GLS2: variants seen among roughly 807,000 people sequenced by gnomAD.
GLS2 encodes glutaminase liver isoform, mitochondrial.
A neutral mutation model predicts 79.0 loss-of-function variants in GLS2; 52 were observed. The ratio of observed to expected loss-of-function variants is 0.66; its 90% CI spans 0.53 to 0.83. The LOEUF is 0.83. GLS2 is among the 40% of genes least tolerant of loss of function. GLS2 has a pLI of 0.00. For missense variants in GLS2, 561 were observed against 764.8 expected, an observed-to-expected ratio of 0.73 and a Z score of 3.14; for synonymous variants, 238 against 280.8, an observed-to-expected ratio of 0.85 and a Z score of 1.52.
chr12:56,472,032 T>C (rs778629598), intron 16 of GLS2, 87 bp downstream of exon 16: 414 of 1,461,048 alleles, frequency 2.8e-4, no homozygotes, highest in Middle Eastern at 9.6e-4. Context: ...CCTATAACCT[T>C]GAGGGCACAT....
In GLS2 at chr12:56,480,479, G is replaced by GTCC. The variant is rs759850276; in HGVS notation, c.183-95_183-93dup. On this transcript the variant is annotated intron_variant, in intron 1 of 17. Transcript: ENST00000311966. ...AACATGGGCTTATAAGTAGGTGAGT[G>GTCC]TCCTCATTCTATGCCTCCTCCTTAA... 129 of 919,858 alleles carry GTCC rather than the reference G, an allele frequency of 1.4e-4. No individual in the cohort carries two copies. The Middle Eastern group carries it at 1.4e-3, about 10-fold the overall frequency. The allele number at this position is 919,858 out of a possible 1,614,324, so 57.0% of individuals were successfully genotyped here.
rs1247078875 is a variant in GLS2 at position 56,474,304 on chromosome 12, G to T, written c.1224+240C>A. ...GGGTTTCACCATGTAGGTCAGGCTG[G>T]TCTCGAACTCCTGACCTCAGGTGAT... On this transcript the variant is annotated intron_variant, in intron 12 of 17. Coordinates refer to ENST00000311966, the MANE Select transcript of GLS2 (RefSeq NM_013267.4). The T allele has an allele frequency of 4.0e-5, 20 of 505,910 alleles. No individual in the cohort carries two copies. In the Admixed American group the frequency reaches 6.6e-4, roughly 17 times the overall value. 31.3% of individuals were successfully genotyped at this position (505,910 alleles called of 1,614,324 possible).
intron 2 of GLS2, 129 bp from the exon 3 acceptor site, chr12:56,480,030 A>G: frequency 8.0e-7 from 1 of 1,247,210 alleles, no homozygotes; most frequent in Non-Finnish European, 1.1e-6. Flanking sequence ...ATGGGTTTGG[A>G]GAATAAGAAA....
chr12:56,475,070 T>G lies in GLS2; in HGVS notation c.970A>C (p.Ile324Leu), dbSNP rs958316683. ...EKETGDRNYAIGYYLKEKKCF... is the reference protein window; with the variant it reads ...EKETGDRNYALGYYLKEKKCF... The stretch of plus-strand genomic sequence containing the variant: ...TTCTTTTCCTTGAGATAATAGCCGA[T>G]GGCATAATTCCGATCCCCTGTTTCC... The change falls in exon 10 of 18, where the codon ATC (isoleucine) becomes CTC (leucine). Residue 324 changes from isoleucine (I) to leucine (L), a missense_variant. Around this residue, in one of 4 missense-constraint regions of GLS2, gnomAD observed 221 missense variants for 275.6 expected, o/e 0.80. Transcript: ENST00000311966. The G allele has an allele frequency of 6.2e-7, 1 of 1,614,070 alleles. No individual in the cohort carries two copies. Among genetic ancestry groups the G allele is most frequent in the Admixed American group, 1.7e-5 (1 of 59,998 alleles).
rs1183955067 is a variant in GLS2 at position 56,487,982 on chromosome 12, T to C, written c.137A>G (p.Gln46Arg). ...GTGGCTGTGTGGCGTCTCTCTGCCC[T>C]GCGCCGCGGCCTCACTGAGGTGGTG... The part of the protein sequence containing the change: ...VRHHLSEAAA[Q>R]GRETPHSHQP... The change falls in exon 1 of 18, where the codon CAG (glutamine) becomes CGG (arginine). Residue 46 changes from glutamine (Q) to arginine (R), a missense_variant. Coordinates refer to ENST00000311966, the MANE Select transcript of GLS2 (RefSeq NM_013267.4). The C allele has an allele frequency of 6.2e-7, 1 of 1,602,028 alleles. No homozygotes were observed. The highest frequency in any genetic ancestry group is 8.5e-7 in the Non-Finnish European group (1 of 1,179,554).
chr12:56,487,254 A>G (rs1870760980), intron 1 of GLS2, among the ~76,000 whole-genome samples: 1 of 152,174 alleles, frequency 6.6e-6, no homozygotes, highest in Admixed American at 6.5e-5. Context: ...TGGAAGAAAC[A>G]CCCAAAGGAA....
At chr12:56,478,316 G>A in intron 4 of GLS2, 54 bp from the exon 5 acceptor site, 3 of 1,552,624 alleles carry the variant, frequency 1.9e-6, no homozygotes, top group Non-Finnish European at 1.8e-6. Context: ...GAGGAACAGA[G>A]TTGAGGTTGA....
chr12:56,473,955 G>A (rs1869546423), intron 12 of GLS2: 1 of 197,784 alleles, frequency 5.1e-6, no homozygotes, highest in African/African-American at 2.4e-5. Context: ...AATAGAGGTA[G>A]AGGGGGGCCA....
intron 16 of GLS2, 82 bp downstream of exon 16, chr12:56,472,037 G>T: frequency 1.4e-6 from 2 of 1,469,764 alleles, no homozygotes; most frequent in African/African-American, 1.4e-5. Context: ...AACCTTGAGG[G>T]CACATATAAT....
At chr12:56,485,701 C>T (rs566470791) in intron 1 of GLS2, among the ~76,000 whole-genome samples, 1 of 152,186 alleles carries the variant, frequency 6.6e-6, no homozygotes, top group East Asian at 1.9e-4. Flanking sequence ...TTTATCATTT[C>T]TTTGTGTTGG....
At chr12:56,482,263 C>T (rs550237222) in intron 1 of GLS2, among the ~76,000 whole-genome samples, 2 of 152,160 alleles carry the variant, frequency 1.3e-5, no homozygotes, top group South Asian at 4.2e-4. Context: ...ATAAAACCTG[C>T]CCACTTAACT....
Position 56,488,148 on chromosome 12 carries a change from C to A in GLS2, c.-30G>T. 5.3e-6 allele frequency: 8 copies of A among 1,509,076 alleles called. No homozygotes were observed. The highest frequency in any genetic ancestry group is 6.1e-6 in the Non-Finnish European group (7 of 1,138,730). 93.5% of individuals were successfully genotyped at this position (1,509,076 alleles called of 1,614,324 possible). A position where few individuals can be genotyped will look rare whatever the true frequency, so the allele number is the denominator to read the frequency against. ...CAGCAAGCCTCCGGCTCTGCAGGTG[C>A]GCCCGGGACCTCTAGCTGTGGCTGG... On this transcript the variant is annotated 5_prime_UTR_variant, in exon 1 of 18. Transcript: ENST00000311966.
In GLS2 at chr12:56,475,609, T is replaced by TG; in HGVS notation, c.929+14dup. 6.2e-7 allele frequency: 1 copy of TG among 1,613,568 alleles called. No homozygotes were observed. The highest frequency in any genetic ancestry group is 8.5e-7 in the Non-Finnish European group (1 of 1,179,460). ...ACCACAATGCTTTCAGTCAGTCCTC[T>TG]GAGTAGGGACTTACGTGGCATTGCT... On this transcript the variant is annotated intron_variant, in intron 9 of 17. Coordinates refer to ENST00000311966, the MANE Select transcript of GLS2 (RefSeq NM_013267.4).
Position 56,475,990 on chromosome 12 carries a change from A to G in GLS2, c.838-13T>C. 1 of 1,612,308 alleles carries G rather than the reference A, an allele frequency of 6.2e-7. No homozygotes were observed. Among genetic ancestry groups the G allele is most frequent in the Non-Finnish European group, 8.5e-7 (1 of 1,179,772 alleles). On this transcript the variant is annotated splice_polypyrimidine_tract_variant and intron_variant, in intron 7 of 17. Transcript: ENST00000311966. Reference sequence around the variant, plus strand: ...TGTTACAGTCCATCTGCAGAGAAAGAGAGAGATGTCAGCATTCTAAGTGTA... The same window carrying G: ...TGTTACAGTCCATCTGCAGAGAAAGGGAGAGATGTCAGCATTCTAAGTGTA...
chr12:56,476,536 T>C (rs1022458213), intron 7 of GLS2: 1 of 154,724 alleles, frequency 6.5e-6, no homozygotes, highest in Non-Finnish European at 1.4e-5. Context: ...GGAGGATCGC[T>C]TGAGACCAGG....
intron 4 of GLS2, 48 bp from the exon 5 acceptor site, chr12:56,478,310 A>G (rs1870005461): frequency 6.3e-7 from 1 of 1,582,226 alleles, no homozygotes; most frequent in Non-Finnish European, 8.7e-7. Flanking sequence ...GGAGAAGAGG[A>G]ACAGAGTTGA....
In GLS2 at chr12:56,475,080, C is replaced by G. The variant is rs1869685720; in HGVS notation, c.960G>C (p.Arg320=). The G allele has an allele frequency of 6.2e-7, 1 of 1,614,028 alleles. No homozygotes were observed. Among genetic ancestry groups the G allele is most frequent in the South Asian group, 1.1e-5 (1 of 91,086 alleles). Residue 320 remains arginine, a synonymous_variant, in exon 10 of 18, where the codon CGG becomes CGC. Transcript: ENST00000311966. Reference sequence around the variant, plus strand: ...TGAGATAATAGCCGATGGCATAATTCCGATCCCCTGTTTCCTTCTCTGACT... The same window carrying G: ...TGAGATAATAGCCGATGGCATAATTGCGATCCCCTGTTTCCTTCTCTGACT... ...TFQSEKETGD[R]NYAIGYYLKE...
chr12:56,481,008 T>A (rs2136191428), intron 1 of GLS2, among the ~76,000 whole-genome samples: 1 of 152,340 alleles, frequency 6.6e-6, no homozygotes, highest in East Asian at 1.9e-4. Context: ...GATGTGAGGC[T>A]TAAGATAATA....
At chr12:56,473,341 T>A (rs1351373561) in intron 13 of GLS2, 21 bp from the exon 14 acceptor site, 1 of 1,613,466 alleles carries the variant, frequency 6.2e-7, no homozygotes. Flanking sequence ...AAGCCAAATA[T>A]ATTGTTTATT....
Sources: gnomAD v4.1 joint callset for allele counts (sites outside exome capture counted in the v4.1 genomes callset) on GRCh38, gnomAD v4.1.1 for gene constraint, gnomAD v4.1.1 regional missense constraint, MANE v1.5 for transcripts, NCBI Gene and HGNC (gene_info 2026-07-23, HGNC 2026-07-21) for gene names.